PLA2R1: variants seen among roughly 807,000 people sequenced by gnomAD.
PLA2R1 encodes the protein secretory phospholipase A2 receptor.
Under a neutral mutation model 195.9 loss-of-function variants are expected in PLA2R1, and 158 were observed. The ratio of observed to expected loss-of-function variants is 0.81; its 90% CI spans 0.71 to 0.92. The LOEUF (loss-of-function observed/expected upper bound fraction) is 0.92. Ranked by LOEUF, PLA2R1 falls within the 40% of genes least tolerant of loss-of-function variation. The probability of loss-of-function intolerance (pLI) is 0.00; values close to 1 mark genes in which losing one functional copy is unlikely to be tolerated. For missense variants in PLA2R1, 1,626 were observed against 1,764.6 expected (o/e 0.92, Z 1.41); for synonymous variants, 586 against 598.2 (o/e 0.98, Z 0.30).
At chr2:159,978,066 T>C (rs16844591) in intron 14 of PLA2R1, among the ~76,000 whole-genome samples, 2,766 of 152,332 alleles carry the variant, frequency 0.018, 39 homozygotes, top group Non-Finnish European at 0.026. Context: ...CTTGGAATCC[T>C]GGGTAAACTT....
intron 6 of PLA2R1, among the ~76,000 whole-genome samples, chr2:160,027,864 T>C (rs1334579746): frequency 6.6e-6 from 1 of 152,202 alleles, no homozygotes; most frequent in Non-Finnish European, 1.5e-5. Context: ...AAAATTGTTT[T>C]CTAAATTATG....
chr2:159,986,669 C>T lies in PLA2R1; in HGVS notation c.2037+487G>A, dbSNP rs570106923. On this transcript the variant is annotated intron_variant, in intron 12 of 29. Coordinates refer to ENST00000283243, the MANE Select transcript of PLA2R1 (RefSeq NM_007366.5). ...TGGCGCAGTCTCGGCTCACTGCAACCTCTGCCTCCCGGGTTCGAGCCATTC... is the reference window on the plus strand; with the variant it reads ...TGGCGCAGTCTCGGCTCACTGCAACTTCTGCCTCCCGGGTTCGAGCCATTC... Among the ~76,000 whole-genome samples, 1,160 of 152,088 alleles carry T rather than the reference C, an allele frequency of 7.6e-3. 5 individuals carry two copies. The highest frequency in any genetic ancestry group is 0.013 in the Non-Finnish European group (854 of 67,986).
intron 20 of PLA2R1, 21 bp downstream of exon 20, chr2:159,967,518 A>G: frequency 2.5e-6 from 4 of 1,605,812 alleles, no homozygotes; most frequent in Non-Finnish European, 3.4e-6. Context: ...AACAAAGGCA[A>G]CTTTTGAAAA....
At chr2:160,022,973 A>G (rs1184159551) in intron 6 of PLA2R1, 114 bp from the exon 7 acceptor site, 5 of 696,116 alleles carry the variant, frequency 7.2e-6, no homozygotes, top group Non-Finnish European at 1.2e-5. Flanking sequence ...AAAAACAGAA[A>G]TATACAAAAT....
At chr2:160,016,475 G>GA (rs1692763793) in intron 9 of PLA2R1, 139 bp downstream of exon 9, 1 of 586,230 alleles carries the variant, frequency 1.7e-6, no homozygotes, top group Non-Finnish European at 3.1e-6. Context: ...GAAAGAAGGG[G>GA]GGGGTGCGAG....
chr2:160,004,834 C>A (rs1364741111), intron 11 of PLA2R1, among the ~76,000 whole-genome samples: 1 of 152,164 alleles, frequency 6.6e-6, no homozygotes, highest in African/African-American at 2.4e-5. Context: ...CAACCTGGCA[C>A]AGTTTCATGC....
chr2:160,011,629 T>G (rs1440987590), intron 10 of PLA2R1, among the ~76,000 whole-genome samples: 1 of 152,240 alleles, frequency 6.6e-6, no homozygotes, highest in African/African-American at 2.4e-5. Context: ...ACTTATTTTC[T>G]TTGGTAAAAA....
At chr2:159,964,788 T>C (rs1482724506) in intron 20 of PLA2R1, among the ~76,000 whole-genome samples, 2 of 152,210 alleles carry the variant, frequency 1.3e-5, no homozygotes, top group African/African-American at 4.8e-5. Flanking sequence ...GGTACAACTT[T>C]GGGAGACCAA....
Position 160,045,003 on chromosome 2 carries a change from A to C in PLA2R1, c.264T>G (p.Gly88=), listed in dbSNP as rs1559002353. The part of the protein sequence containing the change: ...NHGLFNIGGS[G]CLGLNFSAPE... ...GGGCGGAGAAATTCAGGCCCAGGCA[A>C]CCACTGCCTCCTATGTTAAAGAGGC... is the stretch of plus-strand genomic sequence containing the variant. Residue 88 remains glycine, a synonymous_variant, in exon 2 of 30, where the codon GGT becomes GGG. Transcript: ENST00000283243. 1 of 1,614,144 alleles carries C rather than the reference A, an allele frequency of 6.2e-7. No individual in the cohort carries two copies. The highest frequency in any genetic ancestry group is 2.2e-5 in the East Asian group (1 of 44,886).
chr2:160,049,735 A>G lies in PLA2R1; in HGVS notation c.110-4578T>C, dbSNP rs572757299. Reference sequence around the variant, plus strand: ...CAGCTACTCGGGAAGCTGAGGCACAAGAATCACTTGAACCCAGGAGGTGGA... The same window carrying G: ...CAGCTACTCGGGAAGCTGAGGCACAGGAATCACTTGAACCCAGGAGGTGGA... On this transcript the variant is annotated intron_variant, in intron 1 of 29. Transcript: ENST00000283243. Among the ~76,000 whole-genome samples the G allele has an allele frequency of 1.4e-4, 22 of 152,314 alleles. No homozygotes were observed. The South Asian group carries it at 4.4e-3, about 30-fold the overall frequency.
downstream of PLA2R1, among the ~76,000 whole-genome samples, chr2:159,927,396 A>C (rs1318274246): frequency 2.0e-5 from 3 of 152,216 alleles, no homozygotes; most frequent in Admixed American, 2.0e-4. Context: ...AGTCTCTAGA[A>C]ACATGGAGCA....
At chr2:159,965,972 A>G (rs759698940) in intron 20 of PLA2R1, among the ~76,000 whole-genome samples, 1 of 152,208 alleles carries the variant, frequency 6.6e-6, no homozygotes, top group Non-Finnish European at 1.5e-5. Context: ...GAAAACAAAA[A>G]GTGCGTCTTG....
chr2:160,047,632 T>C (rs967098466), intron 1 of PLA2R1, among the ~76,000 whole-genome samples: 3 of 152,342 alleles, frequency 2.0e-5, no homozygotes, highest in African/African-American at 7.2e-5. Flanking sequence ...CAAATATGTG[T>C]GCAATGATGA....
chr2:159,986,589 C>CTT (rs113333927), intron 12 of PLA2R1, among the ~76,000 whole-genome samples: 8 of 142,306 alleles, frequency 5.6e-5, no homozygotes, highest in South Asian at 2.2e-4. Context: ...CTTTTCTTTC[C>CTT]TTTTTTTTTT....
At chr2:159,974,121 A>G (rs1298041950) in intron 17 of PLA2R1, among the ~76,000 whole-genome samples, 1 of 152,184 alleles carries the variant, frequency 6.6e-6, no homozygotes, top group Non-Finnish European at 1.5e-5. Context: ...GAAGCCCTTC[A>G]TTGTTCATGT....
intron 1 of PLA2R1, among the ~76,000 whole-genome samples, chr2:160,054,516 C>A (rs745907307): frequency 7.2e-4 from 110 of 152,020 alleles, no homozygotes; most frequent in Non-Finnish European, 1.4e-3. Context: ...AGCAGAATAC[C>A]AAAAGCTAGA....
chr2:159,959,760 C>A (rs1265016830), intron 20 of PLA2R1, among the ~76,000 whole-genome samples: 2 of 152,104 alleles, frequency 1.3e-5, no homozygotes, highest in Non-Finnish European at 2.9e-5. Context: ...ACCTCAGAGG[C>A]ATCCTTACCT....
rs76890440 is a variant in PLA2R1 at position 159,987,029 on chromosome 2, C to A, written c.2037+127G>T. 5.1e-3 allele frequency: 3,326 copies of A among 653,012 alleles called. 78 individuals carry two copies. In the African/African-American group the frequency reaches 0.055, roughly 11 times the overall value. 40.5% of individuals were successfully genotyped at this position (653,012 alleles called of 1,614,324 possible). The stretch of plus-strand genomic sequence containing the variant: ...AGACAGGCAACAAATGTTGATTAAG[C>A]ACCTGCTGTCTGTCAGGCACTGTTC... On this transcript the variant is annotated intron_variant, in intron 12 of 29. Coordinates refer to ENST00000283243, the MANE Select transcript of PLA2R1 (RefSeq NM_007366.5).
intron 10 of PLA2R1, among the ~76,000 whole-genome samples, chr2:160,012,445 C>A (rs1013161725): frequency 2.0e-5 from 3 of 152,110 alleles, no homozygotes. Context: ...AAAAAGGGCA[C>A]AGTCTCTGTG....
Sources: allele counts gnomAD v4.1 joint callset (sites outside exome capture counted in the v4.1 genomes callset), GRCh38; gene constraint gnomAD v4.1.1; transcripts MANE v1.5; gene names NCBI Gene and HGNC (gene_info 2026-07-23, HGNC 2026-07-21).